The following SLC2A14 variants were observed in gnomAD, a reference collection of about 807,000 sequenced individuals.
SLC2A14 encodes the protein solute carrier family 2, facilitated glucose transporter member 14.
In SLC2A14, 13 loss-of-function variants were observed where a neutral mutation model predicts 43.0. That is an observed-to-expected ratio of 0.30 (90% CI 0.20 to 0.48). The LOEUF (loss-of-function observed/expected upper bound fraction) is 0.48. SLC2A14 is among the 20% of genes least tolerant of loss of function. The pLI is 0.99. For synonymous variants in SLC2A14, 190 were observed against 233.8 expected (o/e 0.81, Z 1.71); for missense variants, 428 against 620.4 (o/e 0.69, Z 3.29).
chr12:7,830,590 T>C (rs188489331), intron 4 of SLC2A14, among the ~76,000 whole-genome samples: 6 of 152,028 alleles, frequency 3.9e-5, no homozygotes, highest in Non-Finnish European at 4.4e-5. Context: ...GAGCTATGAT[T>C]GGGCCACTGC....
Position 7,831,654 on chromosome 12 carries a change from C to A in SLC2A14, c.222G>T (p.Gly74=), listed in dbSNP as rs775752001. 6.2e-7 allele frequency: 1 copy of A among 1,614,204 alleles called. No individual in the cohort carries two copies. Residue 74 remains glycine, a synonymous_variant, in exon 4 of 11, where the codon GGG becomes GGT. Coordinates refer to ENST00000431042, the MANE Select transcript of SLC2A14 (RefSeq NM_001286234.2). The part of the protein sequence containing the change: ...WSLSVAIFSV[G]GMIGSFSVGL... ...CGACGGAAAAGGAGCCGATCATACC[C>A]CCGACGGAAAATATGGCCACAGACA... is the stretch of plus-strand genomic sequence containing the variant.
intron 2 of SLC2A14, among the ~76,000 whole-genome samples, chr12:7,853,952 G>A (rs1285525792): frequency 6.6e-6 from 1 of 152,180 alleles, no homozygotes; most frequent in Non-Finnish European, 1.5e-5. Flanking sequence ...AGTCACCTTA[G>A]TGTAACTGCA....
chr12:7,860,562 C>T (rs1202663062), intron 2 of SLC2A14: 1 of 152,178 alleles, frequency 6.6e-6, no homozygotes, highest in Non-Finnish European at 1.5e-5. Context: ...GGATCAGAGG[C>T]ACAAAGGAAA....
At chr12:7,859,655 A>C (rs1037071953) in intron 2 of SLC2A14, among the ~76,000 whole-genome samples, 1 of 152,104 alleles carries the variant, frequency 6.6e-6, no homozygotes, top group African/African-American at 2.4e-5. Flanking sequence ...CAAGAGAATG[A>C]ATCAGGCTTC....
intron 7 of SLC2A14, among the ~76,000 whole-genome samples, chr12:7,826,861 T>TC (rs1555121667): frequency 0.016 from 949 of 60,286 alleles, 77 homozygotes; most frequent in Middle Eastern, 0.03. Flanking sequence ...TTCCTTTCTT[T>TC]TTTCTTTCTT....
At chr12:7,820,547 T>C (rs1863829645) in intron 8 of SLC2A14, among the ~76,000 whole-genome samples, 1 of 152,136 alleles carries the variant, frequency 6.6e-6, no homozygotes, top group Non-Finnish European at 1.5e-5. Context: ...AACTGATTGC[T>C]TACTTGATGG....
At chr12:7,831,180 C>A (rs1336866950) in intron 4 of SLC2A14, 1 of 152,500 alleles carries the variant, frequency 6.6e-6, no homozygotes, top group East Asian at 1.9e-4. Context: ...TCCACATTTG[C>A]CATAGACTAA....
At chr12:7,887,062 C>T (rs1322595000) in intron 1 of SLC2A14, among the ~76,000 whole-genome samples, 2 of 151,820 alleles carry the variant, frequency 1.3e-5, no homozygotes, top group African/African-American at 4.8e-5. Context: ...CAGGCACCCA[C>T]CACCACGCCC....
rs745894098 is a variant in SLC2A14, at chr12:7,825,183, G to A, written c.864+2312C>T. On this transcript the variant is annotated intron_variant, in intron 7 of 10. Transcript: ENST00000431042. ...TCCAACAATAATTAAGGTATAGGCT[G>A]GGCATGGTGGCTCATGCCTGTAATC... Among the ~76,000 whole-genome samples the A allele has an allele frequency of 3.9e-4, 59 of 152,116 alleles. 1 individual carries two copies. In the South Asian group the frequency reaches 0.01, roughly 26 times the overall value.
At chr12:7,866,509 C>T (rs1052738727) in intron 2 of SLC2A14, among the ~76,000 whole-genome samples, 7 of 151,930 alleles carry the variant, frequency 4.6e-5, no homozygotes, top group East Asian at 1.9e-4. Context: ...GAACTATAGG[C>T]GCCTGCCACC....
intron 1 of SLC2A14, among the ~76,000 whole-genome samples, chr12:7,878,680 T>C (rs1228890902): frequency 6.6e-6 from 1 of 151,966 alleles, no homozygotes; most frequent in Non-Finnish European, 1.5e-5. Flanking sequence ...AAAATGAATG[T>C]ATTAATATGG....
chr12:7,856,547 T>C (rs973850914), intron 2 of SLC2A14: 1 of 152,242 alleles, frequency 6.6e-6, no homozygotes, highest in Non-Finnish European at 1.5e-5. Flanking sequence ...AAAGAAAAGC[T>C]ATCTCTAACC....
At chr12:7,860,995 T>A (rs754935709) in intron 2 of SLC2A14, among the ~76,000 whole-genome samples, 1 of 152,242 alleles carries the variant, frequency 6.6e-6, no homozygotes, top group Admixed American at 6.5e-5. Flanking sequence ...TTTCTCCATG[T>A]TGGTCGGGCT....
intron 2 of SLC2A14, among the ~76,000 whole-genome samples, chr12:7,857,123 G>A (rs1238205160): frequency 6.6e-6 from 1 of 151,988 alleles, no homozygotes; most frequent in Non-Finnish European, 1.5e-5. Context: ...GGTGGCACGT[G>A]CCTGTAGTTC....
chr12:7,830,143 CTTTTCTTTTCTTTCTT>C (rs1372624982), intron 4 of SLC2A14, 137 bp from the exon 5 acceptor site: 1 of 1,136,378 alleles, frequency 8.8e-7, no homozygotes, highest in East Asian at 2.6e-5. Flanking sequence ...TTTTCACTTT[CTTTTCTTTTCTTTCTT>C]TTTTTTTTTT....
intron 7 of SLC2A14, among the ~76,000 whole-genome samples, chr12:7,827,242 C>T (rs1025875970): frequency 6.0e-5 from 9 of 149,770 alleles, no homozygotes; most frequent in East Asian, 2.0e-4. Context: ...TCCTGAGTAG[C>T]GCACCACCAC....
chr12:7,828,360 GTC>G (rs1229363148), intron 6 of SLC2A14, among the ~76,000 whole-genome samples: 2 of 51,372 alleles, frequency 3.9e-5, no homozygotes, highest in East Asian at 1.0e-3. Flanking sequence ...GCAAGACTCT[GTC>G]TCAAAAAAAA....
intron 2 of SLC2A14, among the ~76,000 whole-genome samples, chr12:7,860,150 C>G (rs961885182): frequency 6.6e-6 from 1 of 151,994 alleles, no homozygotes; most frequent in Non-Finnish European, 1.5e-5. Flanking sequence ...CCAGTACTGG[C>G]CCTGGAGAAA....
intron 1 of SLC2A14, among the ~76,000 whole-genome samples, chr12:7,882,754 T>A (rs762247361): frequency 1.3e-5 from 2 of 151,880 alleles, no homozygotes; most frequent in Non-Finnish European, 2.9e-5. Flanking sequence ...GGAGAATCAC[T>A]TGAACCCAGG....
Sources: allele counts gnomAD v4.1 joint callset (sites outside exome capture counted in the v4.1 genomes callset), GRCh38; gene constraint gnomAD v4.1.1; transcripts MANE v1.5; gene names NCBI Gene and HGNC (gene_info 2026-07-23, HGNC 2026-07-21).